The following FSTL4 variants were observed in gnomAD, a reference collection of about 807,000 sequenced individuals.
FSTL4 encodes follistatin-related protein 4.
A neutral mutation model predicts 78.2 loss-of-function variants in FSTL4; 28 were observed. The observed-to-expected ratio is 0.36, with a 90% CI of 0.27 to 0.49. FSTL4 has a LOEUF of 0.49. Among genes scored for constraint, FSTL4 ranks in the 20% least tolerant of loss-of-function variants. FSTL4 has a pLI of 0.98. For synonymous variants in FSTL4, 422 were observed against 440.5 expected (o/e 0.96, Z 0.53); for missense variants, 922 against 1,084.9 (o/e 0.85, Z 2.11).
intron 3 of FSTL4, chr5:133,458,198 G>A (rs953595854): frequency 5.3e-5 from 8 of 152,162 alleles, no homozygotes. Flanking sequence ...CCACAGAAAA[G>A]GCTAATCTGA....
intron 3 of FSTL4, among the ~76,000 whole-genome samples, chr5:133,515,336 G>A (rs1758831459): frequency 6.6e-6 from 1 of 151,616 alleles, no homozygotes; most frequent in Non-Finnish European, 1.5e-5. Flanking sequence ...GGGCTGGAAT[G>A]AGCCATGATC....
At chr5:133,581,949 G>T (rs374514625) in intron 2 of FSTL4, among the ~76,000 whole-genome samples, 1 of 152,226 alleles carries the variant, frequency 6.6e-6, no homozygotes, top group Non-Finnish European at 1.5e-5. Context: ...CAGTGGGCTG[G>T]CAGGGTTCTC....
At chr5:133,302,403 G>T (rs1031493333) in intron 6 of FSTL4, among the ~76,000 whole-genome samples, 2 of 152,080 alleles carry the variant, frequency 1.3e-5, no homozygotes. Context: ...GACTTCACAG[G>T]TCTTCGAAAA....
intron 14 of FSTL4, among the ~76,000 whole-genome samples, chr5:133,205,164 TCTATTC>T (rs1750455647): frequency 6.6e-6 from 1 of 152,220 alleles, no homozygotes; most frequent in African/African-American, 2.4e-5. Flanking sequence ...AGAATTTCCT[TCTATTC>T]CTATGTTTAG....
At chr5:133,617,274 G>A (rs1451975547), upstream of FSTL4, among the ~76,000 whole-genome samples, 3 of 129,988 alleles carry the variant, frequency 2.3e-5, no homozygotes, top group South Asian at 2.5e-4. Flanking sequence ...ACTCCAGCCT[G>A]AGCAATAGAG....
chr5:133,687,763 T>C, the FSTL4 span, among the ~76,000 whole-genome samples: 1 of 152,210 alleles, frequency 6.6e-6, no homozygotes, highest in Non-Finnish European at 1.5e-5. Context: ...TCCAAAATAG[T>C]AGTAGCCTAA....
At chr5:133,217,644 C>T (rs113646639) in intron 12 of FSTL4, among the ~76,000 whole-genome samples, 1,945 of 152,000 alleles carry the variant, frequency 0.013, 44 homozygotes, top group African/African-American at 0.045. Context: ...CTATCTTCTC[C>T]CTCTCCTCAT....
chr5:133,687,474 A>C, the FSTL4 span, among the ~76,000 whole-genome samples: 1 of 152,160 alleles, frequency 6.6e-6, no homozygotes, highest in Non-Finnish European at 1.5e-5. Flanking sequence ...CAGCCCGGGT[A>C]GTGATATTCC....
At chr5:133,349,829 G>A (rs1754783617) in intron 4 of FSTL4, among the ~76,000 whole-genome samples, 3 of 147,910 alleles carry the variant, frequency 2.0e-5, no homozygotes, top group African/African-American at 7.6e-5. Flanking sequence ...ATGCTGCCAT[G>A]CGACTGTAAA....
chr5:133,427,282 T>C lies in FSTL4; in HGVS notation c.161-26296A>G, dbSNP rs183734966. 3.3e-3 allele frequency among the ~76,000 whole-genome samples: 506 copies of C among 152,302 alleles called. 2 individuals are homozygous for C. Among genetic ancestry groups the C allele is most frequent in the Non-Finnish European group, 5.1e-3 (350 of 68,040 alleles). On this transcript the variant is annotated intron_variant, in intron 3 of 15. Transcript: ENST00000265342. ...CACAGTGTGGGCCACCAGAAGGTGC[T>C]CAGTAACTGGAAGGGTGCCTTGTTT...
chr5:133,722,053 C>T, the FSTL4 span, among the ~76,000 whole-genome samples: 1 of 151,962 alleles, frequency 6.6e-6, no homozygotes, highest in African/African-American at 2.4e-5. Context: ...ATCAAATCTG[C>T]TGTTGAAGCT....
At position 133,231,329 on chromosome 5, in the gene FSTL4, C is replaced by G. The variant is rs567336624; in HGVS notation, c.1015+2088G>C. The stretch of plus-strand genomic sequence containing the variant: ...CCCGTGCCAGAGCTCTGGATCCAGC[C>G]TCCCACCAGGAGGATGGAGCAGTGT... On this transcript the variant is annotated intron_variant, in intron 8 of 15. Coordinates refer to ENST00000265342, the MANE Select transcript of FSTL4 (RefSeq NM_015082.2). Among the ~76,000 whole-genome samples the G allele has an allele frequency of 7.1e-4, 108 of 152,172 alleles. 1 individual carries two copies. In the South Asian group the frequency reaches 7.5e-3, roughly 11 times the overall value.
At chr5:133,744,285 C>A in the FSTL4 span, among the ~76,000 whole-genome samples, 1 of 152,214 alleles carries the variant, frequency 6.6e-6, no homozygotes, top group African/African-American at 2.4e-5. Flanking sequence ...TTATTAAAAA[C>A]AAGCCTCATG....
At chr5:133,518,495 G>T (rs1178303362) in intron 3 of FSTL4, among the ~76,000 whole-genome samples, 4 of 152,194 alleles carry the variant, frequency 2.6e-5, no homozygotes, top group African/African-American at 9.7e-5. Flanking sequence ...CAAAGGACAG[G>T]TGGGGAAGGG....
chr5:133,665,696 A>G, the FSTL4 span, among the ~76,000 whole-genome samples: 1 of 152,204 alleles, frequency 6.6e-6, no homozygotes, highest in Non-Finnish European at 1.5e-5. Context: ...CCTATTCTAG[A>G]AGCAAAGGCA....
intron 3 of FSTL4, among the ~76,000 whole-genome samples, chr5:133,436,355 G>A (rs1278072834): frequency 6.6e-6 from 1 of 152,154 alleles, no homozygotes; most frequent in Non-Finnish European, 1.5e-5. Flanking sequence ...GAGGCAGTGG[G>A]AGTGCTCCAG....
the FSTL4 span, among the ~76,000 whole-genome samples, chr5:133,832,116 G>C: frequency 6.6e-6 from 1 of 152,224 alleles, no homozygotes; most frequent in Non-Finnish European, 1.5e-5. Flanking sequence ...CTTGTCTGAA[G>C]CTGGTGGAGG....
At chr5:133,740,904 C>A in the FSTL4 span, among the ~76,000 whole-genome samples, 2,029 of 152,026 alleles carry the variant, frequency 0.013, 49 homozygotes, top group African/African-American at 0.045. Flanking sequence ...CCTAATCTTT[C>A]CTTTTATGGG....
intron 6 of FSTL4, among the ~76,000 whole-genome samples, chr5:133,280,051 T>C (rs1752975950): frequency 6.6e-6 from 1 of 152,192 alleles, no homozygotes; most frequent in Non-Finnish European, 1.5e-5. Context: ...TGCCAGCACC[T>C]TGATTTCTGG....
Sources: gnomAD v4.1 joint callset for allele counts (sites outside exome capture counted in the v4.1 genomes callset) on GRCh38, gnomAD v4.1.1 for gene constraint, MANE v1.5 for transcripts, NCBI Gene and HGNC (gene_info 2026-07-23, HGNC 2026-07-21) for gene names.